Variants in SIK2 observed in about 807,000 individuals in gnomAD.
SIK2 encodes salt inducible kinase 2.
In SIK2, 29 loss-of-function variants were observed where a neutral mutation model predicts 103.2. The ratio of observed to expected loss-of-function variants is 0.28; its 90% CI spans 0.21 to 0.38. The LOEUF (loss-of-function observed/expected upper bound fraction) is 0.38, where lower values mean the gene tolerates loss of function less well. Among genes scored for constraint, SIK2 ranks in the 10% least tolerant of loss-of-function variants. The pLI, the probability that SIK2 is intolerant of heterozygous loss-of-function variation, is 1.00. For missense variants in SIK2, 879 were observed against 1,171.0 expected (o/e 0.75, Z 3.64); for synonymous variants, 412 against 446.1 (o/e 0.92, Z 0.96).
chr11:111,702,299 TGTCA>T (rs1943229419), intron 6 of SIK2, among the ~76,000 whole-genome samples: 1 of 152,216 alleles, frequency 6.6e-6, no homozygotes, highest in Non-Finnish European at 1.5e-5. Flanking sequence ...TAAATTAATC[TGTCA>T]GTCAGGTGCA....
rs1266639445 is a variant in SIK2 at position 111,603,240 on chromosome 11, A to G, written c.135+542A>G. Among the ~76,000 whole-genome samples the G allele has an allele frequency of 4.0e-5, 6 of 151,042 alleles. No individual in the cohort carries two copies. The East Asian group carries it at 1.2e-3, about 30-fold the overall frequency. ...GAGGAAGGGCCCCATGGCTGGGAAT[A>G]CCCCCACGGCCACTGTCCATCTCCT... is the stretch of plus-strand genomic sequence containing the variant. On this transcript the variant is annotated intron_variant, in intron 1 of 14. Transcript: ENST00000304987.
chr11:111,725,429 A>G lies in SIK2; in HGVS notation c.*1300A>G, dbSNP rs1007348434. On this transcript the variant is annotated 3_prime_UTR_variant, in exon 15 of 15. Coordinates refer to ENST00000304987, the MANE Select transcript of SIK2 (RefSeq NM_015191.3). ...ATATTACTAATAAAACTTAACCAAC[A>G]CTTACAATTCAGTCATCAAAGTAAG... The G allele has an allele frequency of 6.6e-6, 1 of 152,560 alleles. No individual in the cohort carries two copies. Among genetic ancestry groups the G allele is most frequent in the Non-Finnish European group, 1.5e-5 (1 of 68,038 alleles). The allele number at this position is 152,560 out of a possible 1,614,324, so 9.5% of individuals were successfully genotyped here. A position where few individuals can be genotyped will look rare whatever the true frequency, so the allele number is the denominator to read the frequency against.
chr11:111,699,502 T>C (rs1302339327), intron 4 of SIK2, among the ~76,000 whole-genome samples: 1 of 152,128 alleles, frequency 6.6e-6, no homozygotes, highest in Non-Finnish European at 1.5e-5. Flanking sequence ...ACTACATTTA[T>C]AGATATGGAA....
At chr11:111,692,387 A>AAAAAAC (rs1565360215) in intron 4 of SIK2, among the ~76,000 whole-genome samples, 1 of 113,486 alleles carries the variant, frequency 8.8e-6, no homozygotes, top group Non-Finnish European at 1.9e-5. Context: ...AAAAAAAAAA[A>AAAAAAC]ACACAAAAAG....
intron 3 of SIK2, among the ~76,000 whole-genome samples, chr11:111,666,193 A>C (rs1429084852): frequency 1.3e-5 from 2 of 152,250 alleles, no homozygotes; most frequent in Non-Finnish European, 2.9e-5. Flanking sequence ...TGAAAGAGGC[A>C]TGAAATCAGC....
intron 3 of SIK2, among the ~76,000 whole-genome samples, chr11:111,636,575 G>A (rs1313554822): frequency 6.6e-6 from 1 of 152,122 alleles, no homozygotes; most frequent in Non-Finnish European, 1.5e-5. Context: ...AAATAAGGAA[G>A]GTAAGATGGA....
intron 8 of SIK2, among the ~76,000 whole-genome samples, chr11:111,709,312 C>T (rs563093299): frequency 1.3e-5 from 2 of 152,306 alleles, no homozygotes; most frequent in Admixed American, 6.5e-5. Context: ...CTCATTTAAC[C>T]TTAATTACCT....
intron 4 of SIK2, among the ~76,000 whole-genome samples, chr11:111,699,869 G>A (rs1033605300): frequency 6.6e-6 from 1 of 152,190 alleles, no homozygotes; most frequent in Non-Finnish European, 1.5e-5. Context: ...CAATCTGTCT[G>A]GCAGTAGAGA....
At chr11:111,667,996 A>G (rs1049259300) in intron 3 of SIK2, among the ~76,000 whole-genome samples, 2 of 152,190 alleles carry the variant, frequency 1.3e-5, no homozygotes, top group African/African-American at 4.8e-5. Context: ...TATTCAGCAA[A>G]CATTAAGTGC....
At chr11:111,632,588 C>T (rs1326617646) in intron 3 of SIK2, among the ~76,000 whole-genome samples, 1 of 152,026 alleles carries the variant, frequency 6.6e-6, no homozygotes, top group Non-Finnish European at 1.5e-5. Context: ...GGACAGAGAC[C>T]TTACACAATT....
intron 3 of SIK2, among the ~76,000 whole-genome samples, chr11:111,634,784 A>C (rs773143044): frequency 7.2e-5 from 11 of 152,170 alleles, no homozygotes; most frequent in Non-Finnish European, 1.6e-4. Flanking sequence ...CTTTCCAATC[A>C]CATTCCGGGC....
chr11:111,695,931 G>A (rs1943061001), intron 4 of SIK2, among the ~76,000 whole-genome samples: 1 of 152,168 alleles, frequency 6.6e-6, no homozygotes, highest in Non-Finnish European at 1.5e-5. Flanking sequence ...AATGGTTTTT[G>A]TTAGGACCAT....
intron 8 of SIK2, among the ~76,000 whole-genome samples, chr11:111,708,051 A>G (rs1443365741): frequency 6.6e-6 from 1 of 152,218 alleles, no homozygotes; most frequent in African/African-American, 2.4e-5. Flanking sequence ...CCCTGGAAAC[A>G]GTTGCTCCCC....
chr11:111,620,561 T>C (rs1370542726), intron 3 of SIK2, among the ~76,000 whole-genome samples, 159 bp downstream of exon 3: 1 of 152,206 alleles, frequency 6.6e-6, no homozygotes, highest in African/African-American at 2.4e-5. Flanking sequence ...ATATGAAATA[T>C]AACTTATTTC....
chr11:111,718,578 A>G (rs1943711839), intron 9 of SIK2, among the ~76,000 whole-genome samples: 2 of 152,218 alleles, frequency 1.3e-5, no homozygotes, highest in African/African-American at 4.8e-5. Context: ...CCTGCAGCAA[A>G]CAAAGATCTG....
chr11:111,707,191 C>T (rs917576790), intron 8 of SIK2, among the ~76,000 whole-genome samples: 2 of 152,118 alleles, frequency 1.3e-5, no homozygotes, highest in African/African-American at 4.8e-5. Context: ...AGCTGGAAAG[C>T]CCCCAGGGCC....
chr11:111,606,361 C>T (rs1941647983), intron 1 of SIK2, among the ~76,000 whole-genome samples: 1 of 151,958 alleles, frequency 6.6e-6, no homozygotes, highest in Non-Finnish European at 1.5e-5. Flanking sequence ...TATAATTCCT[C>T]CACTAATGGG....
At position 111,708,749 on chromosome 11, in the gene SIK2, A is replaced by G. The variant is rs190734467; in HGVS notation, c.1102-3462A>G. Among the ~76,000 whole-genome samples the G allele has an allele frequency of 2.6e-5, 4 of 151,988 alleles. No individual in the cohort carries two copies. The East Asian group carries it at 7.7e-4, about 29-fold the overall frequency. On this transcript the variant is annotated intron_variant, in intron 8 of 14. Coordinates refer to ENST00000304987, the MANE Select transcript of SIK2 (RefSeq NM_015191.3). ...CAAGTGCATGCCACCACGCCCAGCT[A>G]ATTATTTTTTTATTTTTTTGTGGAG...
intron 9 of SIK2, among the ~76,000 whole-genome samples, chr11:111,717,097 G>A (rs1202820623): frequency 2.0e-5 from 3 of 151,946 alleles, no homozygotes; most frequent in Non-Finnish European, 2.9e-5. Flanking sequence ...GGCGGATCAC[G>A]AGGTCAGGAG....
Sources: gnomAD v4.1 joint callset for allele counts (sites outside exome capture counted in the v4.1 genomes callset) on GRCh38, gnomAD v4.1.1 for gene constraint, MANE v1.5 for transcripts, NCBI Gene and HGNC (gene_info 2026-07-23, HGNC 2026-07-21) for gene names.